The following DRC8 variants were observed in gnomAD, a reference collection of about 807,000 sequenced individuals.
DRC8 encodes the protein dynein regulatory complex protein 8.
chr1:244,993,069 G>A, the DRC8 span, among the ~76,000 whole-genome samples: 1 of 152,202 alleles, frequency 6.6e-6, no homozygotes, highest in Non-Finnish European at 1.5e-5. Context: ...CCCATAGAGT[G>A]AGTCATTCAA....
chr1:244,970,821 G>C, the DRC8 span: 1 of 336,276 alleles, frequency 3.0e-6, no homozygotes, highest in Non-Finnish European at 5.4e-6. Context: ...CATCCTGCGC[G>C]GGCTGCGCCG....
the DRC8 span, among the ~76,000 whole-genome samples, chr1:245,104,510 AAAAAAAAAG>A: frequency 6.6e-6 from 1 of 151,850 alleles, no homozygotes; most frequent in Non-Finnish European, 1.5e-5. Flanking sequence ...TCATAAAAAA[AAAAAAAAAG>A]AAAAGAAAAA....
the DRC8 span, among the ~76,000 whole-genome samples, chr1:245,097,460 G>C: frequency 1.3e-5 from 2 of 152,030 alleles, no homozygotes; most frequent in South Asian, 4.1e-4. The surrounding 1 kb of genome is among the most constrained non-coding windows in gnomAD (Gnocchi z 5.0). Flanking sequence ...AGAGGCTGCA[G>C]TGAGCTGAGA....
the DRC8 span, among the ~76,000 whole-genome samples, chr1:245,029,391 C>T: frequency 2.0e-5 from 3 of 151,840 alleles, no homozygotes; most frequent in Admixed American, 6.6e-5. Flanking sequence ...TCCACCTCCC[C>T]GGTTCAAGCA....
chr1:244,978,635 G>A, the DRC8 span, among the ~76,000 whole-genome samples: 1 of 152,158 alleles, frequency 6.6e-6, no homozygotes, highest in Admixed American at 6.5e-5. Context: ...GACTGCAGGG[G>A]CGTGCCACTG....
At chr1:244,988,856 C>T in the DRC8 span, among the ~76,000 whole-genome samples, 1 of 152,118 alleles carries the variant, frequency 6.6e-6, no homozygotes, top group Non-Finnish European at 1.5e-5. Flanking sequence ...ACCTTGTCAG[C>T]TAGATACTCG....
At chr1:245,011,326 C>T in the DRC8 span, among the ~76,000 whole-genome samples, 1 of 152,304 alleles carries the variant, frequency 6.6e-6, no homozygotes, top group South Asian at 2.1e-4. Flanking sequence ...AAGCAATCAT[C>T]TTCTTACATT....
At chr1:245,043,737 G>C in the DRC8 span, among the ~76,000 whole-genome samples, 8 of 152,156 alleles carry the variant, frequency 5.3e-5, no homozygotes, top group African/African-American at 1.9e-4. Flanking sequence ...CCCCAGGAAG[G>C]CCTCTTTAGC....
At chr1:244,997,644 A>G in the DRC8 span, among the ~76,000 whole-genome samples, 1 of 151,516 alleles carries the variant, frequency 6.6e-6, no homozygotes, top group African/African-American at 2.4e-5. Flanking sequence ...CCTGGGTTCA[A>G]GCAATTCTCC....
chr1:245,073,884 GA>G, the DRC8 span, among the ~76,000 whole-genome samples: 33 of 152,012 alleles, frequency 2.2e-4, no homozygotes, highest in Admixed American at 8.5e-4. Flanking sequence ...GTTCCACAAA[GA>G]ACATGTATTA....
At chr1:245,094,183 A>C in the DRC8 span, among the ~76,000 whole-genome samples, 2 of 152,134 alleles carry the variant, frequency 1.3e-5, no homozygotes, top group African/African-American at 4.8e-5. Flanking sequence ...AAGTTTTCTT[A>C]GTTCTTCTTT....
At chr1:245,027,062 C>G in the DRC8 span, among the ~76,000 whole-genome samples, 1 of 152,180 alleles carries the variant, frequency 6.6e-6, no homozygotes, top group Non-Finnish European at 1.5e-5. Context: ...CTCTGAAATA[C>G]TGTACAACTA....
chr1:245,099,916 A>T, the DRC8 span, among the ~76,000 whole-genome samples: 12 of 152,334 alleles, frequency 7.9e-5, no homozygotes, highest in Admixed American at 2.0e-4. Flanking sequence ...GCCGGCCATC[A>T]ACTCGAGGCC....
the DRC8 span, among the ~76,000 whole-genome samples, chr1:245,053,753 C>T: frequency 6.6e-6 from 1 of 152,152 alleles, no homozygotes; most frequent in Non-Finnish European, 1.5e-5. Context: ...CTGGGGTCTA[C>T]CCGGGCAGGT....
At chr1:245,083,052 A>G in the DRC8 span, among the ~76,000 whole-genome samples, 3 of 151,980 alleles carry the variant, frequency 2.0e-5, no homozygotes, top group Non-Finnish European at 4.4e-5. Context: ...ATCCCCAACC[A>G]CCAGGCCAGG....
At chr1:245,034,600 CAAAAAAAAAAAAA>C in the DRC8 span, among the ~76,000 whole-genome samples, 1 of 39,492 alleles carries the variant, frequency 2.5e-5, no homozygotes, top group Admixed American at 4.4e-4. Flanking sequence ...GACTCCATCT[CAAAAAAAAAAAAA>C]AAAAAAAAAA....
chr1:245,022,555 A>G, the DRC8 span, among the ~76,000 whole-genome samples: 2 of 152,204 alleles, frequency 1.3e-5, no homozygotes, highest in African/African-American at 4.8e-5. Context: ...ATATATGTAC[A>G]TGGGATAAAA....
At chr1:245,026,127 G>C in the DRC8 span, among the ~76,000 whole-genome samples, 1 of 152,166 alleles carries the variant, frequency 6.6e-6, no homozygotes, top group African/African-American at 2.4e-5. Flanking sequence ...GCAGCACCAA[G>C]TATCCACTTG....
At chr1:245,052,817 A>C in the DRC8 span, among the ~76,000 whole-genome samples, 1 of 152,202 alleles carries the variant, frequency 6.6e-6, no homozygotes, top group Non-Finnish European at 1.5e-5. Context: ...TAAGTGCTGG[A>C]GGGAGCGCAG....
Sources: gnomAD v4.1 joint callset for allele counts (sites outside exome capture counted in the v4.1 genomes callset) on GRCh38, gnomAD v4.1.1 for gene constraint, Gnocchi (gnomAD v3.1) non-coding constraint, MANE v1.5 for transcripts, NCBI Gene and HGNC (gene_info 2026-07-23, HGNC 2026-07-21) for gene names.